NUP214: variants seen among roughly 807,000 people sequenced by gnomAD.
The protein encoded by NUP214 is nucleoporin 214.
NUP214 carries 79 observed loss-of-function variants against 196.2 expected under a neutral mutation model. That is an observed-to-expected ratio of 0.40 (90% CI 0.34 to 0.49). The LOEUF (loss-of-function observed/expected upper bound fraction) is 0.49, where lower values mean the gene tolerates loss of function less well. Ranked by LOEUF, NUP214 falls within the 20% of genes least tolerant of loss-of-function variation. NUP214 has a pLI of 0.58. For missense variants in NUP214, 2,468 were observed against 2,539.0 expected (o/e 0.97, Z 0.60); for synonymous variants, 1,020 against 990.5 (o/e 1.03, Z -0.56).
intron 31 of NUP214, among the ~76,000 whole-genome samples, chr9:131,217,432 A>G (rs1326336825): frequency 6.6e-6 from 1 of 152,250 alleles, no homozygotes; most frequent in Non-Finnish European, 1.5e-5. Flanking sequence ...AGGAAAACAA[A>G]AGTAGGTTCA....
intron 23 of NUP214, among the ~76,000 whole-genome samples, chr9:131,176,472 A>T (rs1188111045): frequency 6.6e-6 from 1 of 151,938 alleles, no homozygotes; most frequent in African/African-American, 2.4e-5. Flanking sequence ...GACTACAGGC[A>T]TGCACCACTA....
intron 25 of NUP214, 35 bp from the exon 26 acceptor site, chr9:131,189,018 T>A: frequency 1.4e-6 from 2 of 1,453,100 alleles, no homozygotes; most frequent in Non-Finnish European, 1.9e-6. Context: ...TGGTTAGTGG[T>A]TTAACATAAA....
chr9:131,174,204 C>G lies in NUP214; in HGVS notation c.3043C>G (p.His1015Asp). Residue 1015 changes from histidine to aspartate, a missense_variant, in exon 22 of 36, where the codon CAC (histidine) becomes GAC (aspartate). Transcript: ENST00000359428. ...DDEAVVQAPR[H>D]APVVRTPSIQ... Reference sequence around the variant, plus strand: ...CGAGGCAGTGGTTCAGGCCCCTCGGCACGCCCCCGTGGTTCGCACTCCTTC... The same window carrying G: ...CGAGGCAGTGGTTCAGGCCCCTCGGGACGCCCCCGTGGTTCGCACTCCTTC... 1.2e-6 allele frequency: 2 copies of G among 1,613,960 alleles called. No homozygotes were observed. Among genetic ancestry groups the G allele is most frequent in the Non-Finnish European group, 1.7e-6 (2 of 1,179,972 alleles).
intron 30 of NUP214, among the ~76,000 whole-genome samples, chr9:131,214,498 G>A (rs559295654): frequency 1.1e-3 from 161 of 152,264 alleles, no homozygotes; most frequent in Non-Finnish European, 1.8e-3. Flanking sequence ...TCTCAGCCAC[G>A]GAGAGATGAC....
intron 17 of NUP214, among the ~76,000 whole-genome samples, chr9:131,153,903 G>A (rs1435834072): frequency 2.0e-5 from 3 of 152,338 alleles, no homozygotes; most frequent in South Asian, 4.1e-4. Context: ...ACATGTAAAT[G>A]TAGTGTGGGA....
chr9:131,175,523 C>A lies in NUP214; in HGVS notation c.3221C>A (p.Thr1074Asn), dbSNP rs967320159. The A allele has an allele frequency of 2.5e-6, 4 of 1,614,218 alleles. No individual in the cohort carries two copies. In the African/African-American group the frequency reaches 4.0e-5, roughly 16 times the overall value. The change falls in exon 23 of 36, where the codon ACC becomes AAC. Residue 1074 changes from threonine (T) to asparagine (N), a missense_variant. Thr to Asn is a moderately conservative substitution (Grantham distance 65, BLOSUM62 0). Around this residue, in one of 5 missense-constraint regions of NUP214, gnomAD observed 1,801 missense variants for 1,779.4 expected, o/e 1.01. Transcript: ENST00000359428. ...GADSTMLATK[T>N]VKHGAPSPSH... ...GATAGCACAATGCTTGCCACGAAAA[C>A]CGTGAAACATGGTGCACCTAGTCCT...
intron 21 of NUP214, among the ~76,000 whole-genome samples, chr9:131,168,838 C>T (rs990224738): frequency 6.6e-6 from 1 of 152,074 alleles, no homozygotes; most frequent in African/African-American, 2.4e-5. Flanking sequence ...AGACTCTCCT[C>T]CCTGCTTAGC....
intron 21 of NUP214, among the ~76,000 whole-genome samples, chr9:131,166,007 A>G (rs1009525636): frequency 6.6e-6 from 1 of 152,190 alleles, no homozygotes; most frequent in Non-Finnish European, 1.5e-5. Flanking sequence ...AGTTTTGCAC[A>G]GGGAAAATAG....
At chr9:131,212,372 T>C (rs898735610) in intron 30 of NUP214, among the ~76,000 whole-genome samples, 3 of 152,204 alleles carry the variant, frequency 2.0e-5, no homozygotes, top group Non-Finnish European at 4.4e-5. Flanking sequence ...ATGTGATCTC[T>C]GTGACCCACA....
rs1554737953 is a variant in NUP214 at position 131,196,027 on chromosome 9, C to CCTCT, written c.3721+734_3721+735insTCTC. On this transcript the variant is annotated intron_variant, in intron 28 of 35. Coordinates refer to ENST00000359428, the MANE Select transcript of NUP214 (RefSeq NM_005085.4). Reference sequence around the variant, plus strand: ...CAACAAGAGTGAAACTCTGTGTGTCCCCCCCCCCCCCCGCGCCAAAAAATC... The same window carrying CCTCT: ...CAACAAGAGTGAAACTCTGTGTGTCCCTCTCCCCCCCCCCCCGCGCCAAAAAATC... Among the ~76,000 whole-genome samples the CCTCT allele has an allele frequency of 1.2e-3, 30 of 24,328 alleles. 9 individuals are homozygous for CCTCT. Among genetic ancestry groups the CCTCT allele is most frequent in the Non-Finnish European group, 5.3e-3 (25 of 4,696 alleles). The allele number at this position is 24,328 out of a possible 152,430, so 16.0% of individuals were successfully genotyped here. A position where few individuals can be genotyped will look rare whatever the true frequency, so the allele number is the denominator to read the frequency against.
intron 12 of NUP214, among the ~76,000 whole-genome samples, chr9:131,145,449 A>G (rs143308679): frequency 4.0e-5 from 6 of 151,898 alleles, no homozygotes; most frequent in Admixed American, 3.9e-4. Flanking sequence ...CTTTTTCCCT[A>G]CTTGCCTGTA....
chr9:131,128,253 TCACATCGAAC>T, intron 2 of NUP214, 69 bp from the exon 3 acceptor site: 2 of 1,416,944 alleles, frequency 1.4e-6, no homozygotes, highest in Admixed American at 2.4e-5. Context: ...AAAAATTTTT[TCACATCGAAC>T]TGGATAGAGG....
At chr9:131,225,349 G>T (rs1257912649) in intron 32 of NUP214, among the ~76,000 whole-genome samples, 1 of 152,204 alleles carries the variant, frequency 6.6e-6, no homozygotes, top group East Asian at 1.9e-4. Flanking sequence ...AGCCTGGGAG[G>T]CAGAGATTGC....
intron 23 of NUP214, 151 bp from the exon 24 acceptor site, chr9:131,178,160 T>A: frequency 3.2e-6 from 2 of 625,626 alleles, no homozygotes; most frequent in South Asian, 1.9e-5. Context: ...TTGAACACAA[T>A]GCTGCAAGAA....
intron 32 of NUP214, among the ~76,000 whole-genome samples, chr9:131,227,921 G>A (rs1834766238): frequency 6.8e-6 from 1 of 146,636 alleles, no homozygotes; most frequent in Admixed American, 6.8e-5. Context: ...AGGAATGGAG[G>A]GGAGTGGTTT....
intron 5 of NUP214, 56 bp downstream of exon 5, chr9:131,130,892 G>T: frequency 7.0e-7 from 1 of 1,428,548 alleles, no homozygotes; most frequent in Non-Finnish European, 9.9e-7. Flanking sequence ...TTTTTTGGGG[G>T]TGGTTTGGGA....
chr9:131,142,188 C>T (rs1831937792), intron 11 of NUP214, among the ~76,000 whole-genome samples: 1 of 152,156 alleles, frequency 6.6e-6, no homozygotes, highest in Non-Finnish European at 1.5e-5. Flanking sequence ...TACCTATACC[C>T]AGCTGCCTGG....
In NUP214 at chr9:131,230,682, G is replaced by GC; in HGVS notation, c.6132dup (p.Thr2045HisfsTer17). The GC allele has an allele frequency of 6.2e-7, 1 of 1,614,134 alleles. No homozygotes were observed. Among genetic ancestry groups the GC allele is most frequent in the Non-Finnish European group, 8.5e-7 (1 of 1,180,018 alleles). On this transcript the variant is annotated frameshift_variant, in exon 34 of 36. Transcript: ENST00000359428. LOFTEE classifies it high-confidence loss of function. ...CTTCGGCACGCTCGCGAGTCAGAAT[G>GC]CCCCCACTTTCGGATCACTGTCCCA...
In NUP214 at chr9:131,134,901, AAAG is replaced by A. The variant is rs1345206340; in HGVS notation, c.841_843del (p.Glu281del). On this transcript the variant is annotated inframe_deletion, in exon 8 of 36. Transcript: ENST00000359428. ...TTTCTTGCTTTGTTCATTGTAGAAA[AAAG>A]AAGAAAAGCACCCAGAGATATTTGT... is the stretch of plus-strand genomic sequence containing the variant. The A allele has an allele frequency of 5.0e-6, 8 of 1,611,698 alleles. No individual in the cohort carries two copies. The highest frequency in any genetic ancestry group is 3.3e-5 in the Admixed American group (2 of 59,944).
Sources: allele counts gnomAD v4.1 joint callset (sites outside exome capture counted in the v4.1 genomes callset), GRCh38; gene constraint gnomAD v4.1.1; regional missense constraint gnomAD v4.1.1; transcripts MANE v1.5; gene names NCBI Gene and HGNC (gene_info 2026-07-23, HGNC 2026-07-21).